The following HMGXB4 variants were observed in gnomAD, a reference collection of about 807,000 sequenced individuals.
The protein encoded by HMGXB4 is HMG domain-containing protein 4.
In HMGXB4, 27 loss-of-function variants were observed where a neutral mutation model predicts 63.9. The ratio of observed to expected loss-of-function variants is 0.42; its 90% CI spans 0.31 to 0.58. The LOEUF (loss-of-function observed/expected upper bound fraction) is 0.58. Ranked by LOEUF, HMGXB4 falls within the 20% of genes least tolerant of loss-of-function variation. HMGXB4 has a pLI of 0.13. For synonymous variants in HMGXB4, 264 were observed against 265.3 expected (o/e 0.99, Z 0.05); for missense variants, 624 against 700.7 (o/e 0.89, Z 1.24).
chr22:35,245,067 T>A, the HMGXB4 span, among the ~76,000 whole-genome samples: 1 of 151,976 alleles, frequency 6.6e-6, no homozygotes, highest in Admixed American at 6.6e-5. Context: ...AGAGACGGGG[T>A]TTCACCATGT....
chr22:35,271,166 C>T (rs1923581141), intron 5 of HMGXB4, among the ~76,000 whole-genome samples: 1 of 151,528 alleles, frequency 6.6e-6, no homozygotes, highest in African/African-American at 2.4e-5. Context: ...GAGGGTGAGG[C>T]AGGAGTATTG....
the HMGXB4 span, among the ~76,000 whole-genome samples, chr22:35,241,572 G>C: frequency 6.6e-6 from 1 of 152,152 alleles, no homozygotes; most frequent in Non-Finnish European, 1.5e-5. Context: ...GGGCTGCTTC[G>C]GGATCCACTG....
At chr22:35,268,950 A>G (rs1923434083) in intron 5 of HMGXB4, among the ~76,000 whole-genome samples, 1 of 152,172 alleles carries the variant, frequency 6.6e-6, no homozygotes, top group African/African-American at 2.4e-5. Flanking sequence ...TACACCCCTC[A>G]TTAGAATTAA....
upstream of HMGXB4, among the ~76,000 whole-genome samples, chr22:35,254,623 T>C (rs1231428955): frequency 6.6e-6 from 1 of 152,208 alleles, no homozygotes; most frequent in African/African-American, 2.4e-5. Context: ...ATATCTTAAT[T>C]TTGTGTCCCC....
chr22:35,275,443 A>G (rs547255652), intron 5 of HMGXB4, among the ~76,000 whole-genome samples: 1 of 152,328 alleles, frequency 6.6e-6, no homozygotes, highest in African/African-American at 2.4e-5. Flanking sequence ...TTTTAGAATC[A>G]TAAGCAGTAT....
intron 7 of HMGXB4, 90 bp downstream of exon 7, chr22:35,286,151 C>G (rs1924564983): frequency 2.3e-6 from 2 of 883,202 alleles, no homozygotes; most frequent in Admixed American, 5.0e-5. Context: ...CCAGACAGCA[C>G]TGAAAATAGT....
intron 8 of HMGXB4, 44 bp downstream of exon 8, chr22:35,287,496 A>AT: frequency 7.1e-7 from 1 of 1,410,510 alleles, no homozygotes; most frequent in Non-Finnish European, 1.0e-6. Context: ...AAGCATGTGA[A>AT]TTTTGCTTCC....
At chr22:35,270,548 G>A (rs1030372270) in intron 5 of HMGXB4, among the ~76,000 whole-genome samples, 4 of 152,190 alleles carry the variant, frequency 2.6e-5, no homozygotes, top group Non-Finnish European at 4.4e-5. Context: ...CCACGAAACC[G>A]GTACCCGGTG....
chr22:35,267,449 G>A (rs1036284957), intron 5 of HMGXB4, among the ~76,000 whole-genome samples: 1 of 152,192 alleles, frequency 6.6e-6, no homozygotes, highest in Non-Finnish European at 1.5e-5. Context: ...GGGAAAGCTT[G>A]AAGAAGGAGA....
chr22:35,272,326 C>T (rs1364735416), intron 5 of HMGXB4, among the ~76,000 whole-genome samples: 1 of 151,656 alleles, frequency 6.6e-6, no homozygotes, highest in Non-Finnish European at 1.5e-5. Flanking sequence ...GAAGTGAACG[C>T]AGCAGCGGTG....
intron 2 of HMGXB4, chr22:35,262,718 A>G (rs1259562957): frequency 5.8e-6 from 3 of 520,080 alleles, no homozygotes; most frequent in Non-Finnish European, 1.0e-5. Context: ...GGGGATAGGA[A>G]TCACATCCTG....
chr22:35,255,036 A>T (rs896695392), upstream of HMGXB4, among the ~76,000 whole-genome samples: 15 of 152,088 alleles, frequency 9.9e-5, no homozygotes, highest in Admixed American at 3.9e-4. Flanking sequence ...CTTTGTGTCT[A>T]CCCCAACCTA....
At chr22:35,277,567 T>G (rs1342972777) in intron 5 of HMGXB4, among the ~76,000 whole-genome samples, 1 of 152,198 alleles carries the variant, frequency 6.6e-6, no homozygotes, top group African/African-American at 2.4e-5. Context: ...CAGGCTGTCT[T>G]GAACTGCTGA....
Position 35,263,839 on chromosome 22 carries a change from A to G in HMGXB4, c.224A>G (p.Lys75Arg), listed in dbSNP as rs750333106. 1.3e-4 allele frequency: 209 copies of G among 1,613,794 alleles called. No individual in the cohort carries two copies. The highest frequency in any genetic ancestry group is 1.6e-4 in the Middle Eastern group (1 of 6,062). The change falls in exon 4 of 11, where the codon AAG becomes AGG. Residue 75 changes from lysine (K) to arginine (R), a missense_variant. Around this residue, in one of 2 missense-constraint regions of HMGXB4, gnomAD observed 472 missense variants for 470.6 expected, o/e 1.00. Transcript: ENST00000216106. ...TTGGGGACGGACACACACAAGAAGA[A>G]GAGGAAGCACTCCTCTGATGATTAC... ...YFLGTDTHKK[K>R]RKHSSDDYYY...
upstream of HMGXB4, among the ~76,000 whole-genome samples, chr22:35,253,902 G>A (rs1922291593): frequency 6.6e-6 from 1 of 151,714 alleles, no homozygotes; most frequent in Non-Finnish European, 1.5e-5. Flanking sequence ...TTGCAATTTA[G>A]GGCATACACA....
In HMGXB4 at chr22:35,293,717, T is replaced by G. The variant is rs1925066231; in HGVS notation, c.*66T>G. ...TGCTGGTTTGTGTATATATGACTGTTGCAGATTCCTTCAGTGGCCTCTGGC... is the reference window on the plus strand; with the variant it reads ...TGCTGGTTTGTGTATATATGACTGTGGCAGATTCCTTCAGTGGCCTCTGGC... On this transcript the variant is annotated 3_prime_UTR_variant, in exon 11 of 11. Transcript: ENST00000216106. The G allele has an allele frequency of 8.2e-7, 1 of 1,222,732 alleles. No homozygotes were observed. The highest frequency in any genetic ancestry group is 1.2e-6 in the Non-Finnish European group (1 of 831,754). The allele number at this position is 1,222,732 out of a possible 1,614,324, so 75.7% of individuals were successfully genotyped here.
At chr22:35,261,708 G>A (rs1187065998) in intron 1 of HMGXB4, 1 of 152,090 alleles carries the variant, frequency 6.6e-6, no homozygotes, top group Non-Finnish European at 1.5e-5. Flanking sequence ...CTGTCATATG[G>A]TCAACTGATG....
At chr22:35,271,553 A>G (rs1923605546) in intron 5 of HMGXB4, among the ~76,000 whole-genome samples, 1 of 152,184 alleles carries the variant, frequency 6.6e-6, no homozygotes, top group African/African-American at 2.4e-5. Flanking sequence ...CTTACAAACA[A>G]TGTGATGTTG....
chr22:35,242,431 T>C, the HMGXB4 span, among the ~76,000 whole-genome samples: 3 of 152,222 alleles, frequency 2.0e-5, no homozygotes, highest in African/African-American at 7.2e-5. Flanking sequence ...TTGTCAAATT[T>C]ATGTGTGTAG....
Sources: gnomAD v4.1 joint callset for allele counts (sites outside exome capture counted in the v4.1 genomes callset) on GRCh38, gnomAD v4.1.1 for gene constraint, gnomAD v4.1.1 regional missense constraint, MANE v1.5 for transcripts, NCBI Gene and HGNC (gene_info 2026-07-23, HGNC 2026-07-21) for gene names.